The following ABCA13 variants were observed in gnomAD, a reference collection of about 807,000 sequenced individuals.
The protein encoded by ABCA13 is ATP-binding cassette sub-family A member 13.
Under a neutral mutation model 478.7 loss-of-function variants are expected in ABCA13, and 476 were observed. That is an observed-to-expected ratio of 0.99 (90% confidence interval 0.92 to 1.07). ABCA13 has a LOEUF of 1.07. Among genes scored for constraint, ABCA13 ranks in the 50% least tolerant of loss-of-function variants. The pLI, the probability that ABCA13 is intolerant of heterozygous loss-of-function variation, is 0.00. For synonymous variants in ABCA13, 2,252 were observed against 2,158.9 expected (o/e 1.04, Z -1.20); for missense variants, 6,060 against 5,910.6 (o/e 1.03, Z -0.83).
chr7:48,444,982 T>A (rs1824092118), intron 42 of ABCA13, among the ~76,000 whole-genome samples: 2 of 150,806 alleles, frequency 1.3e-5, no homozygotes, highest in Admixed American at 1.3e-4. Flanking sequence ...TGCAGCCAAG[T>A]CTTTCTTTCT....
At chr7:48,592,422 A>C (rs1055091167) in intron 57 of ABCA13, among the ~76,000 whole-genome samples, 1 of 152,048 alleles carries the variant, frequency 6.6e-6, no homozygotes, top group South Asian at 2.1e-4. Context: ...GTATCATACC[A>C]TGGTGGTCTG....
chr7:48,617,914 C>T lies in ABCA13; in HGVS notation c.14837+2537C>T, dbSNP rs115218849. On this transcript the variant is annotated intron_variant, in intron 59 of 61. Coordinates refer to ENST00000435803, the MANE Select transcript of ABCA13 (RefSeq NM_152701.5). ...ACAGAAATATAGAGGGAAGAATGTC[C>T]GTGGCAAGTAGGGACAGATACATAA... Among the ~76,000 whole-genome samples the T allele has an allele frequency of 2.5e-3, 387 of 152,096 alleles. 2 individuals are homozygous for T. The highest frequency in any genetic ancestry group is 8.5e-3 in the African/African-American group (351 of 41,500).
intron 61 of ABCA13, 126 bp from the exon 62 acceptor site, chr7:48,645,291 T>C: frequency 1.6e-6 from 1 of 644,060 alleles, no homozygotes; most frequent in East Asian, 2.8e-5. Context: ...GGGAATGGTA[T>C]GAATTAATGA....
At chr7:48,282,510 G>A (rs78077760) in intron 19 of ABCA13, among the ~76,000 whole-genome samples, 3,423 of 152,154 alleles carry the variant, frequency 0.022, 132 homozygotes, top group African/African-American at 0.078. Flanking sequence ...AAATGGGGAA[G>A]CCAAGGGTGG....
chr7:48,585,177 T>G (rs984808944), intron 56 of ABCA13, among the ~76,000 whole-genome samples: 1 of 152,230 alleles, frequency 6.6e-6, no homozygotes, highest in Non-Finnish European at 1.5e-5. Context: ...ATATTTGTGT[T>G]TGTTTGCTTG....
intron 44 of ABCA13, 114 bp downstream of exon 44, chr7:48,467,159 A>C (rs2130176226): frequency 9.4e-7 from 1 of 1,068,912 alleles, no homozygotes; most frequent in Non-Finnish European, 1.4e-6. Context: ...TTATGTTATA[A>C]AAAATGAAAA....
intron 19 of ABCA13, among the ~76,000 whole-genome samples, chr7:48,286,035 A>C (rs963238310): frequency 1.3e-5 from 2 of 152,158 alleles, no homozygotes; most frequent in African/African-American, 4.8e-5. Context: ...GTAATTAATA[A>C]ATTTTATATT....
intron 55 of ABCA13, among the ~76,000 whole-genome samples, chr7:48,528,600 A>G (rs2131033588): frequency 6.6e-6 from 1 of 152,266 alleles, no homozygotes; most frequent in African/African-American, 2.4e-5. Flanking sequence ...CCTGGGAGGT[A>G]TCAGAGTGGA....
At chr7:48,307,091 C>T (rs1425383217) in intron 23 of ABCA13, among the ~76,000 whole-genome samples, 1 of 152,102 alleles carries the variant, frequency 6.6e-6, no homozygotes, top group African/African-American at 2.4e-5. Flanking sequence ...CCCACATTTG[C>T]ATGAGCCAAT....
At chr7:48,438,288 C>G (rs187815996) in intron 42 of ABCA13, among the ~76,000 whole-genome samples, 1 of 152,062 alleles carries the variant, frequency 6.6e-6, no homozygotes, top group Non-Finnish European at 1.5e-5. Context: ...ATTTTTCCTA[C>G]CATTTCAATG....
Position 48,241,084 on chromosome 7 carries a change from G to GTT in ABCA13, c.1262+20_1262+21dup. ...CCAAAGATGTAAGTCGCATTTCCCT[G>GTT]TTTGATTATTGATTAGGTAGATGAC... On this transcript the variant is annotated intron_variant, in intron 10 of 61. Coordinates refer to ENST00000435803, the MANE Select transcript of ABCA13 (RefSeq NM_152701.5). 1 of 1,613,490 alleles carries GTT rather than the reference G, an allele frequency of 6.2e-7. No individual in the cohort carries two copies. Among genetic ancestry groups the GTT allele is most frequent in the Non-Finnish European group, 8.5e-7 (1 of 1,179,604 alleles).
intron 41 of ABCA13, among the ~76,000 whole-genome samples, chr7:48,425,866 G>C (rs12718267): frequency 0.27 from 41,440 of 151,324 alleles, 5,824 homozygotes; most frequent in East Asian, 0.37. Flanking sequence ...CTCAGCCTCC[G>C]GAGTAGCTGG....
intron 57 of ABCA13, among the ~76,000 whole-genome samples, chr7:48,589,133 C>T (rs1789485420): frequency 6.6e-6 from 1 of 152,160 alleles, no homozygotes; most frequent in South Asian, 2.1e-4. Flanking sequence ...AGAAATACAT[C>T]TTACAGTTTG....
chr7:48,312,324 C>T (rs371424728), intron 24 of ABCA13, among the ~76,000 whole-genome samples: 1 of 152,154 alleles, frequency 6.6e-6, no homozygotes. Flanking sequence ...CCTCATTTAT[C>T]CATTCATCCA....
chr7:48,423,840 A>C (rs1156775406), intron 41 of ABCA13, among the ~76,000 whole-genome samples: 1 of 152,192 alleles, frequency 6.6e-6, no homozygotes, highest in East Asian at 1.9e-4. Flanking sequence ...AATTTACCTA[A>C]AAATTAATGA....
intron 46 of ABCA13, among the ~76,000 whole-genome samples, chr7:48,481,472 T>A (rs1828750246): frequency 6.6e-6 from 1 of 152,228 alleles, no homozygotes; most frequent in Non-Finnish European, 1.5e-5. Flanking sequence ...ACTTTCACTC[T>A]TTTAAGTGCT....
intron 38 of ABCA13, among the ~76,000 whole-genome samples, chr7:48,397,393 A>G (rs575593281): frequency 6.6e-5 from 10 of 152,222 alleles, no homozygotes; most frequent in African/African-American, 2.4e-4. Context: ...CTGAATTCTT[A>G]TACTGCAAAT....
chr7:48,294,449 T>TTTTTTTTTTTG (rs1799072747), intron 20 of ABCA13, among the ~76,000 whole-genome samples: 1 of 146,760 alleles, frequency 6.8e-6, no homozygotes, highest in African/African-American at 2.6e-5. Flanking sequence ...TTTGTTTTGT[T>TTTTTTTTTTTG]TTTTTTTTGA....
At chr7:48,233,982 A>C (rs753987861) in intron 7 of ABCA13, 36 bp from the exon 8 acceptor site, 1 of 1,609,954 alleles carries the variant, frequency 6.2e-7, no homozygotes, top group Non-Finnish European at 8.5e-7. Context: ...AAATATTCAA[A>C]CAACTGCTGG....
Sources: gnomAD v4.1 joint callset for allele counts (sites outside exome capture counted in the v4.1 genomes callset) on GRCh38, gnomAD v4.1.1 for gene constraint, MANE v1.5 for transcripts, NCBI Gene and HGNC (gene_info 2026-07-23, HGNC 2026-07-21) for gene names.